The following LTA4H variants were observed in gnomAD, a reference collection of about 807,000 sequenced individuals.
The protein encoded by LTA4H is leukotriene A-4 hydrolase.
LTA4H carries 59 observed loss-of-function variants against 89.8 expected under a neutral mutation model. That is an observed-to-expected ratio of 0.66 (90% CI 0.53 to 0.82). The LOEUF (loss-of-function observed/expected upper bound fraction) is 0.82. Among genes scored for constraint, LTA4H ranks in the 40% least tolerant of loss-of-function variants. LTA4H has a pLI of 0.00. For missense variants in LTA4H, 617 were observed against 727.0 expected, an observed-to-expected ratio of 0.85 and a Z score of 1.74; for synonymous variants, 227 against 253.1, an observed-to-expected ratio of 0.90 and a Z score of 0.98.
At chr12:96,004,051 TAAAAG>T (rs1326839477) in intron 16 of LTA4H, 131 bp from the exon 17 acceptor site, 8 of 444,020 alleles carry the variant, frequency 1.8e-5, no homozygotes, top group African/African-American at 1.5e-4. Flanking sequence ...CAGATAAAAA[TAAAAG>T]AAACAAATTG....
chr12:96,031,094 G>C (rs1174505417), intron 1 of LTA4H, among the ~76,000 whole-genome samples: 1 of 152,172 alleles, frequency 6.6e-6, no homozygotes, highest in Non-Finnish European at 1.5e-5. Context: ...AAGTGTCATA[G>C]TGACAACTAT....
upstream of LTA4H, chr12:96,035,635 G>T: frequency 7.0e-7 from 1 of 1,437,444 alleles, no homozygotes; most frequent in Middle Eastern, 1.9e-4. Context: ...AGGGATTCGC[G>T]GTGCACGCCG....
intron 5 of LTA4H, among the ~76,000 whole-genome samples, chr12:96,021,362 G>A (rs1950450236): frequency 6.6e-6 from 1 of 152,002 alleles, no homozygotes; most frequent in African/African-American, 2.4e-5. Flanking sequence ...CTTTTATTCT[G>A]CTAGGAACAA....
intron 14 of LTA4H, chr12:96,011,368 T>G (rs1001294682): frequency 6.6e-6 from 1 of 152,224 alleles, no homozygotes; most frequent in Non-Finnish European, 1.5e-5. Context: ...GTACCACTTT[T>G]AAATTATTTC....
rs534911145 is a variant in LTA4H at position 96,005,201 on chromosome 12, T to C, written c.1530+1113A>G. On this transcript the variant is annotated intron_variant, in intron 16 of 18. Transcript: ENST00000228740. ...AACCTTAAAATCTGCTTGGATTCTT[T>C]ACTGTCAACCCCTATAGCCAGTCAG... is the stretch of plus-strand genomic sequence containing the variant. Among the ~76,000 whole-genome samples the C allele has an allele frequency of 1.4e-4, 21 of 152,296 alleles. No homozygotes were observed. The South Asian group carries it at 3.3e-3, about 24-fold the overall frequency.
At chr12:96,010,935 T>C (rs1198281953) in intron 14 of LTA4H, 1 of 152,106 alleles carries the variant, frequency 6.6e-6, no homozygotes, top group East Asian at 1.9e-4. Context: ...AAAAAGAGGA[T>C]CGTGGAAGCC....
intron 1 of LTA4H, among the ~76,000 whole-genome samples, chr12:96,030,907 A>G (rs1431759033): frequency 6.6e-6 from 1 of 152,182 alleles, no homozygotes; most frequent in East Asian, 1.9e-4. Context: ...GTCTCTTCAT[A>G]GTCTAGTACC....
rs181004826 is a variant in LTA4H at position 96,001,710 on chromosome 12, C to T, written c.1719-604G>A. Among the ~76,000 whole-genome samples the T allele has an allele frequency of 1.6e-3, 250 of 151,752 alleles. 1 individual carries two copies. The highest frequency in any genetic ancestry group is 4.7e-3 in the African/African-American group (195 of 41,338). On this transcript the variant is annotated intron_variant, in intron 18 of 18. Coordinates refer to ENST00000228740, the MANE Select transcript of LTA4H (RefSeq NM_000895.3). Reference sequence around the variant, plus strand: ...TAATAAATACATAATAAATAATACACGAAATAAATAATAAATACACTAAAT... The same window carrying T: ...TAATAAATACATAATAAATAATACATGAAATAAATAATAAATACACTAAAT...
intron 6 of LTA4H, among the ~76,000 whole-genome samples, chr12:96,020,062 C>A (rs1196515865): frequency 6.6e-6 from 1 of 151,976 alleles, no homozygotes; most frequent in Admixed American, 6.6e-5. Context: ...CACTACCATG[C>A]CCGATTAATT....
intron 14 of LTA4H, chr12:96,012,181 G>A (rs1257067113): frequency 6.6e-6 from 1 of 152,190 alleles, no homozygotes; most frequent in East Asian, 1.9e-4. Context: ...TGTTTAAAGT[G>A]CTTTACAAAC....
At chr12:96,042,142 C>A (rs566157237) in intron 1 of LTA4H, among the ~76,000 whole-genome samples, 21 of 151,910 alleles carry the variant, frequency 1.4e-4, no homozygotes, top group African/African-American at 4.6e-4. Context: ...GCCACTACGC[C>A]GAGCTAATTT....
At chr12:96,021,799 T>C (rs2136901090) in intron 5 of LTA4H, among the ~76,000 whole-genome samples, 1 of 152,210 alleles carries the variant, frequency 6.6e-6, no homozygotes, top group Middle Eastern at 3.4e-3. Flanking sequence ...GACTCCTCCA[T>C]TTGTAAACAC....
Position 96,016,761 on chromosome 12 carries a change from C to T in LTA4H, c.947+283G>A, listed in dbSNP as rs562315018. Among the ~76,000 whole-genome samples, 38 of 152,002 alleles carry T rather than the reference C, an allele frequency of 2.5e-4. 2 individuals are homozygous for T. The highest frequency in any genetic ancestry group is 2.3e-3 in the Admixed American group (35 of 15,258). On this transcript the variant is annotated intron_variant, in intron 10 of 18. Transcript: ENST00000228740. ...ACTAAAATACAAAAAATTAGCTGGG[C>T]GTGGTGGCGCATGCCTGTAATCCCA...
At chr12:96,038,994 G>A (rs931027622), upstream of LTA4H, among the ~76,000 whole-genome samples, 1 of 151,720 alleles carries the variant, frequency 6.6e-6, no homozygotes, top group African/African-American at 2.4e-5. Context: ...AATATAGAAT[G>A]TACAAAATTT....
In LTA4H at chr12:96,017,747, A is replaced by G. The variant is rs574250476; in HGVS notation, c.853-167T>C. Among the ~76,000 whole-genome samples, 7 of 152,344 alleles carry G rather than the reference A, an allele frequency of 4.6e-5. No individual in the cohort carries two copies. The South Asian group carries it at 6.2e-4, about 14-fold the overall frequency. ...CCTTAATTGAAAAAACAAAAAAAATACAGAACTAAAAATTAGCATCATTCT... is the reference window on the plus strand; with the variant it reads ...CCTTAATTGAAAAAACAAAAAAAATGCAGAACTAAAAATTAGCATCATTCT... On this transcript the variant is annotated intron_variant, in intron 8 of 18. Coordinates refer to ENST00000228740, the MANE Select transcript of LTA4H (RefSeq NM_000895.3).
At chr12:96,021,559 A>G (rs747592463) in intron 5 of LTA4H, among the ~76,000 whole-genome samples, 5 of 152,042 alleles carry the variant, frequency 3.3e-5, no homozygotes, top group Non-Finnish European at 5.9e-5. Flanking sequence ...CATGTTGTAG[A>G]GGCACACAGA....
At chr12:96,015,135 G>C (rs1950357918) in intron 11 of LTA4H, 136 bp from the exon 12 acceptor site, 1 of 667,896 alleles carries the variant, frequency 1.5e-6, no homozygotes, top group African/African-American at 1.8e-5. Context: ...GGAACACTAG[G>C]ATATGTTGGC....
Position 96,003,876 on chromosome 12 carries a change from G to A in LTA4H, c.1575C>T (p.Tyr525=). ...CAGAATTGTTAATGGCATTGAAGTT[G>A]TACACCTCTTGCATTCGCTTTATGT... ...LGHIKRMQEV[Y]NFNAINNSEI... Residue 525 remains tyrosine (Y), a synonymous_variant, in exon 17 of 19, where the codon TAC becomes TAT. Transcript: ENST00000228740. 2 of 1,610,526 alleles carry A rather than the reference G, an allele frequency of 1.2e-6. No individual in the cohort carries two copies. The highest frequency in any genetic ancestry group is 1.7e-6 in the Non-Finnish European group (2 of 1,178,192).
At chr12:96,006,256 C>T (rs1950199150) in intron 16 of LTA4H, 58 bp downstream of exon 16, 5 of 1,061,890 alleles carry the variant, frequency 4.7e-6, no homozygotes, top group Non-Finnish European at 7.0e-6. Context: ...TTGGGTAGAA[C>T]ATAAATGCTG....
Sources: allele counts gnomAD v4.1 joint callset (sites outside exome capture counted in the v4.1 genomes callset), GRCh38; gene constraint gnomAD v4.1.1; transcripts MANE v1.5; gene names NCBI Gene and HGNC (gene_info 2026-07-23, HGNC 2026-07-21).